The following SLC27A2 variants were observed in gnomAD, a reference collection of about 807,000 sequenced individuals.
SLC27A2 encodes solute carrier family 27 member 2, also known as long-chain fatty acid transport protein 2.
A neutral mutation model predicts 60.0 loss-of-function variants in SLC27A2; 54 were observed. That is an observed-to-expected ratio of 0.90 (90% CI 0.72 to 1.13). The LOEUF is 1.13. SLC27A2 is among the 50% of genes most tolerant of loss of function. SLC27A2 has a pLI of 0.00. For synonymous variants in SLC27A2, 297 were observed against 297.6 expected (o/e 1.00, Z 0.02); for missense variants, 739 against 777.6 (o/e 0.95, Z 0.59).
At chr15:50,210,860 A>C (rs773262414) in intron 4 of SLC27A2, among the ~76,000 whole-genome samples, 3 of 152,150 alleles carry the variant, frequency 2.0e-5, no homozygotes, top group African/African-American at 7.2e-5. Context: ...TGTGACTGCC[A>C]ACTTTCCCCC....
chr15:50,204,094 C>T (rs2045088608), intron 3 of SLC27A2, among the ~76,000 whole-genome samples: 1 of 152,110 alleles, frequency 6.6e-6, no homozygotes, highest in Non-Finnish European at 1.5e-5. Context: ...TTTTAAGCAC[C>T]AGGACACCAC....
chr15:50,231,308 C>A (rs913960073), intron 8 of SLC27A2, among the ~76,000 whole-genome samples: 1 of 151,838 alleles, frequency 6.6e-6, no homozygotes, highest in Admixed American at 6.6e-5. Flanking sequence ...CGACCAGGCC[C>A]GGCTAATTTT....
At position 50,182,308 on chromosome 15, in the gene SLC27A2, C is replaced by T. The variant is rs1392587579; in HGVS notation, c.-120C>T. On this transcript the variant is annotated 5_prime_UTR_variant, in exon 1 of 10. Transcript: ENST00000267842. ...TCCCCTTCATCTCACGCGAGCCCGG[C>T]GTCCCGCCGCGTGCGCCCCGGCGCA... 7.6e-7 allele frequency: 1 copy of T among 1,316,772 alleles called. No individual in the cohort carries two copies. The highest frequency in any genetic ancestry group is 9.7e-7 in the Non-Finnish European group (1 of 1,033,964). The allele number at this position is 1,316,772 out of a possible 1,614,324, so 81.6% of individuals were successfully genotyped here.
intron 1 of SLC27A2, chr15:50,191,222 A>G (rs2044970909): frequency 6.6e-6 from 1 of 152,194 alleles, no homozygotes; most frequent in African/African-American, 2.4e-5. Flanking sequence ...GCAAATGAAA[A>G]TTTTAAATGT....
At chr15:50,188,834 T>C (rs1648349) in intron 1 of SLC27A2, among the ~76,000 whole-genome samples, 129,200 of 152,108 alleles carry the variant, frequency 0.85, 55,609 homozygotes, top group East Asian at 0.95. Context: ...GTGGCGGGCA[T>C]CCGTAATCCC....
chr15:50,206,620 C>T (rs936133880), intron 4 of SLC27A2, among the ~76,000 whole-genome samples: 1 of 152,128 alleles, frequency 6.6e-6, no homozygotes, highest in African/African-American at 2.4e-5. Flanking sequence ...CACTGCATTT[C>T]ATGGCACCTG....
At chr15:50,192,982 A>G (rs1340077099) in intron 1 of SLC27A2, among the ~76,000 whole-genome samples, 1 of 152,032 alleles carries the variant, frequency 6.6e-6, no homozygotes, top group East Asian at 1.9e-4. Context: ...CTGCCTACAC[A>G]GTGTAGACAA....
intron 8 of SLC27A2, among the ~76,000 whole-genome samples, chr15:50,230,410 G>A (rs535509899): frequency 1.3e-5 from 2 of 151,964 alleles, no homozygotes; most frequent in South Asian, 2.1e-4. Context: ...AGGGGTGGTG[G>A]CTCCCATCTG....
Position 50,226,977 on chromosome 15 carries a change from T to C in SLC27A2, c.1259-3T>C. 1.9e-6 allele frequency: 3 copies of C among 1,612,656 alleles called. No individual in the cohort carries two copies. The highest frequency in any genetic ancestry group is 2.2e-5 in the East Asian group (1 of 44,870). ...AAAATAAGTTTACTTTCTTCTGTCT[T>C]AGGTGAAGTTGGACTTCTGGTTTGC... On this transcript the variant is annotated splice_polypyrimidine_tract_variant and splice_region_variant and intron_variant, in intron 6 of 9. Coordinates refer to ENST00000267842, the MANE Select transcript of SLC27A2 (RefSeq NM_003645.4).
chr15:50,204,549 C>T (rs192083601), intron 3 of SLC27A2, among the ~76,000 whole-genome samples: 3,304 of 151,862 alleles, frequency 0.022, 54 homozygotes, highest in Middle Eastern at 0.037. Context: ...CTGGCTAACA[C>T]AGTGAAACCC....
At chr15:50,222,167 T>C (rs1195837334) in intron 4 of SLC27A2, among the ~76,000 whole-genome samples, 1 of 152,186 alleles carries the variant, frequency 6.6e-6, no homozygotes, top group Non-Finnish European at 1.5e-5. Context: ...AAACAGACTT[T>C]CCTTTGTGAT....
At chr15:50,231,047 G>A (rs1041038614) in intron 8 of SLC27A2, among the ~76,000 whole-genome samples, 4 of 152,012 alleles carry the variant, frequency 2.6e-5, no homozygotes, top group African/African-American at 9.7e-5. Flanking sequence ...AACATTGGAA[G>A]TCTGATTTAG....
intron 4 of SLC27A2, among the ~76,000 whole-genome samples, chr15:50,222,187 C>T (rs530886441): frequency 6.6e-6 from 1 of 152,284 alleles, no homozygotes; most frequent in East Asian, 1.9e-4. Flanking sequence ...TCTTTACTTA[C>T]AGCAAATCAT....
At position 50,228,291 on chromosome 15, in the gene SLC27A2, C is replaced by T. The variant is rs1284087087; in HGVS notation, c.1458-654C>T. 5.6e-5 allele frequency among the ~76,000 whole-genome samples: 8 copies of T among 142,328 alleles called. No individual in the cohort carries two copies. In the East Asian group the frequency reaches 1.7e-3, roughly 30 times the overall value. The allele number at this position is 142,328 out of a possible 152,430, so 93.4% of individuals were successfully genotyped here. A position where few individuals can be genotyped will look rare whatever the true frequency, so the allele number is the denominator to read the frequency against. The stretch of plus-strand genomic sequence containing the variant: ...ACTTGGGAGGCTGAGGCAAAAGAAT[C>T]ACTTGAACCTGGGAGACGGAGGTTG... On this transcript the variant is annotated intron_variant, in intron 7 of 9. Coordinates refer to ENST00000267842, the MANE Select transcript of SLC27A2 (RefSeq NM_003645.4).
chr15:50,220,356 A>G (rs973959096), intron 4 of SLC27A2, among the ~76,000 whole-genome samples: 4 of 152,220 alleles, frequency 2.6e-5, no homozygotes, highest in African/African-American at 9.6e-5. Context: ...GCTCTATGCA[A>G]AGCACAGGTC....
intron 1 of SLC27A2, among the ~76,000 whole-genome samples, chr15:50,193,945 G>A (rs1170127629): frequency 1.3e-5 from 2 of 152,124 alleles, no homozygotes; most frequent in East Asian, 1.9e-4. Context: ...GATCACTTGA[G>A]CTCACAAGTT....
In SLC27A2 at chr15:50,223,092, G is replaced by A. The variant is rs2045255195; in HGVS notation, c.1100G>A (p.Gly367Asp). Reference protein sequence around the residue: ...CIYEFYAATEGNIGFMNYARK... With the variant: ...CIYEFYAATEDNIGFMNYARK... Reference sequence around the variant, plus strand: ...TATGAGTTCTATGCTGCCACTGAAGGCAATATTGGATTTATGAATTATGCG... The same window carrying A: ...TATGAGTTCTATGCTGCCACTGAAGACAATATTGGATTTATGAATTATGCG... The change falls in exon 5 of 10, where the codon GGC becomes GAC. Residue 367 changes from glycine to aspartate, a missense_variant. Transcript: ENST00000267842. The A allele has an allele frequency of 3.1e-6, 5 of 1,613,778 alleles. No individual in the cohort carries two copies. Among genetic ancestry groups the A allele is most frequent in the Admixed American group, 3.3e-5 (2 of 59,952 alleles).
intron 1 of SLC27A2, among the ~76,000 whole-genome samples, chr15:50,194,675 A>G (rs78988501): frequency 0.01 from 1,526 of 152,238 alleles, 29 homozygotes; most frequent in African/African-American, 0.035. Flanking sequence ...GTAGGAAATA[A>G]TGAGGACATG....
intron 4 of SLC27A2, among the ~76,000 whole-genome samples, chr15:50,219,065 A>G (rs2045223877): frequency 6.6e-6 from 1 of 152,256 alleles, no homozygotes; most frequent in South Asian, 2.1e-4. Context: ...TTGGCTCCTC[A>G]GTGTTGTATT....
Sources: gnomAD v4.1 joint callset for allele counts (sites outside exome capture counted in the v4.1 genomes callset) on GRCh38, gnomAD v4.1.1 for gene constraint, MANE v1.5 for transcripts, NCBI Gene and HGNC (gene_info 2026-07-23, HGNC 2026-07-21) for gene names.